Variants in KCNJ3 observed in about 807,000 individuals in gnomAD.
The protein encoded by KCNJ3 is potassium inwardly rectifying channel subfamily J member 3, also known as G protein-activated inward rectifier potassium channel 1.
In KCNJ3, 4 loss-of-function variants were observed where a neutral mutation model predicts 39.2. The observed-to-expected ratio is 0.10, with a 90% CI of 0.05 to 0.23. The LOEUF is 0.23. KCNJ3 is among the 10% of genes least tolerant of loss of function. KCNJ3 has a pLI of 1.00. For synonymous variants in KCNJ3, 230 were observed against 237.4 expected (o/e 0.97, Z 0.29); for missense variants, 276 against 634.9 (o/e 0.43, Z 6.08).
chr2:154,700,627 G>A (rs943395482), intron 1 of KCNJ3, among the ~76,000 whole-genome samples: 18 of 152,196 alleles, frequency 1.2e-4, no homozygotes, highest in African/African-American at 4.3e-4. Flanking sequence ...CAATATTTGA[G>A]ATTTTGCCTT....
chr2:154,828,714 A>G (rs1687311435), intron 2 of KCNJ3, among the ~76,000 whole-genome samples: 1 of 152,118 alleles, frequency 6.6e-6, no homozygotes, highest in African/African-American at 2.4e-5. Flanking sequence ...CAGGGGTGAT[A>G]AATCTCTTTT....
chr2:154,812,141 T>C (rs1212130657), intron 2 of KCNJ3, among the ~76,000 whole-genome samples: 2 of 152,166 alleles, frequency 1.3e-5, no homozygotes, highest in Non-Finnish European at 2.9e-5. Context: ...TTGGGTGACA[T>C]TTATGTATTC....
intron 2 of KCNJ3, among the ~76,000 whole-genome samples, chr2:154,752,685 A>G (rs371616639): frequency 1.3e-5 from 2 of 152,018 alleles, no homozygotes; most frequent in Admixed American, 6.6e-5. Flanking sequence ...GTAAGATTCT[A>G]TGTGAGTGTT....
chr2:154,736,604 G>A (rs13036173), intron 2 of KCNJ3, among the ~76,000 whole-genome samples: 2 of 152,028 alleles, frequency 1.3e-5, no homozygotes, highest in Non-Finnish European at 2.9e-5. Context: ...AACAGAACTC[G>A]TAAAGAGCAA....
In KCNJ3 at chr2:154,858,115, T is replaced by G. The variant is rs1225310230; in HGVS notation, c.*2802T>G. On this transcript the variant is annotated 3_prime_UTR_variant, in exon 3 of 3. Coordinates refer to ENST00000295101, the MANE Select transcript of KCNJ3 (RefSeq NM_002239.4). Reference sequence around the variant, plus strand: ...TTTTTTTATCTTTTCCACACATGCGTGGGAAAGGTATGATTTCTGCATGTA... The same window carrying G: ...TTTTTTTATCTTTTCCACACATGCGGGGGAAAGGTATGATTTCTGCATGTA... The G allele has an allele frequency of 6.6e-6, 1 of 151,972 alleles. No individual in the cohort carries two copies. The highest frequency in any genetic ancestry group is 1.9e-4 in the East Asian group (1 of 5,180). The allele number at this position is 151,972 out of a possible 1,614,324, so 9.4% of individuals were successfully genotyped here. A position where few individuals can be genotyped will look rare whatever the true frequency, so the allele number is the denominator to read the frequency against.
chr2:154,757,639 T>C (rs1032578308), intron 2 of KCNJ3, among the ~76,000 whole-genome samples: 4 of 152,230 alleles, frequency 2.6e-5, no homozygotes, highest in Non-Finnish European at 5.9e-5. Context: ...CTTAAACTGT[T>C]CAGGCTGCTA....
At chr2:154,768,544 A>G (rs1352342907) in intron 2 of KCNJ3, among the ~76,000 whole-genome samples, 4 of 152,184 alleles carry the variant, frequency 2.6e-5, no homozygotes, top group East Asian at 1.9e-4. Flanking sequence ...CCATTGGTCT[A>G]TATCTCTGTT....
chr2:154,705,926 G>T (rs1453620675), intron 1 of KCNJ3, among the ~76,000 whole-genome samples: 1 of 152,030 alleles, frequency 6.6e-6, no homozygotes, highest in East Asian at 1.9e-4. Context: ...GAAAGTAGAA[G>T]TTGTATGGAA....
At chr2:154,838,619 A>AT (rs1379922780) in intron 2 of KCNJ3, among the ~76,000 whole-genome samples, 1 of 152,176 alleles carries the variant, frequency 6.6e-6, no homozygotes, top group Non-Finnish European at 1.5e-5. Context: ...TTAGAACTAG[A>AT]TTTTGAAGGA....
chr2:154,785,223 A>G (rs534922249), intron 2 of KCNJ3, among the ~76,000 whole-genome samples: 4 of 152,356 alleles, frequency 2.6e-5, no homozygotes, highest in Middle Eastern at 3.4e-3. Flanking sequence ...TGTAGTAACG[A>G]AATTCCACAG....
rs1401941580 is a variant in KCNJ3, at chr2:154,699,567, C to T, written c.702+90C>T. 2.0e-5 allele frequency: 29 copies of T among 1,475,758 alleles called. No individual in the cohort carries two copies. The Admixed American group carries it at 2.8e-4, about 14-fold the overall frequency. The allele number at this position is 1,475,758 out of a possible 1,614,324, so 91.4% of individuals were successfully genotyped here. ...TCTGAGAACCAGCCCGGGCCCCCTC[C>T]CCTGGTTCTACCTATAGCCACAGGT... On this transcript the variant is annotated intron_variant, in intron 1 of 2. Coordinates refer to ENST00000295101, the MANE Select transcript of KCNJ3 (RefSeq NM_002239.4). The surrounding 1 kb of genome is among the most constrained non-coding windows in gnomAD (Gnocchi z 6.4).
Position 154,817,809 on chromosome 2 carries a change from AT to A in KCNJ3, c.920-36914del, listed in dbSNP as rs771594782. Reference sequence around the variant, plus strand: ...CCCCTTTAATTCATGCCATTCTCGTATTTTAACCTTTGTTTTACTGTCCATT... The same window carrying A: ...CCCCTTTAATTCATGCCATTCTCGTATTTAACCTTTGTTTTACTGTCCATT... On this transcript the variant is annotated intron_variant, in intron 2 of 2. Transcript: ENST00000295101. Among the ~76,000 whole-genome samples the A allele has an allele frequency of 3.5e-3, 529 of 152,208 alleles. 2 individuals are homozygous for A. Among genetic ancestry groups the A allele is most frequent in the Middle Eastern group, 6.8e-3 (2 of 294 alleles).
chr2:154,843,645 C>CT (rs934609112), intron 2 of KCNJ3, among the ~76,000 whole-genome samples: 6 of 151,972 alleles, frequency 3.9e-5, no homozygotes, highest in South Asian at 2.1e-4. Context: ...TCTTTTTACT[C>CT]TTTTTTCTCT....
At chr2:154,791,205 C>T (rs1686623087) in intron 2 of KCNJ3, among the ~76,000 whole-genome samples, 1 of 151,932 alleles carries the variant, frequency 6.6e-6, no homozygotes, top group Admixed American at 6.6e-5. Context: ...AATACATCAC[C>T]TAAGAATTGC....
chr2:154,781,293 A>T (rs527860649), intron 2 of KCNJ3, among the ~76,000 whole-genome samples: 1 of 152,344 alleles, frequency 6.6e-6, no homozygotes, highest in East Asian at 1.9e-4. Context: ...AGTTTGTGGT[A>T]ATTTGTTATA....
chr2:154,798,433 C>A (rs895305448), intron 2 of KCNJ3, among the ~76,000 whole-genome samples: 4 of 152,062 alleles, frequency 2.6e-5, no homozygotes, highest in Non-Finnish European at 5.9e-5. Flanking sequence ...ATTCTAAAGT[C>A]TATCTGGAAG....
intron 2 of KCNJ3, among the ~76,000 whole-genome samples, chr2:154,813,034 G>A (rs1687028386): frequency 6.6e-6 from 1 of 152,118 alleles, no homozygotes; most frequent in Admixed American, 6.5e-5. Flanking sequence ...TTTTTCAAAT[G>A]CAGAAACTGA....
rs879211839 is a variant in KCNJ3 at position 154,855,567 on chromosome 2, T to C, written c.*254T>C. The C allele has an allele frequency of 9.4e-6, 3 of 318,316 alleles. No individual in the cohort carries two copies. The highest frequency in any genetic ancestry group is 1.7e-4 in the South Asian group (2 of 11,464). The allele number at this position is 318,316 out of a possible 1,614,324, so 19.7% of individuals were successfully genotyped here. A position where few individuals can be genotyped will look rare whatever the true frequency, so the allele number is the denominator to read the frequency against. Reference sequence around the variant, plus strand: ...TGCAATAATGTGCAAATTTTGCATTTAGTTTTATGGCATGATTTATATATG... The same window carrying C: ...TGCAATAATGTGCAAATTTTGCATTCAGTTTTATGGCATGATTTATATATG... On this transcript the variant is annotated 3_prime_UTR_variant, in exon 3 of 3. Transcript: ENST00000295101.
chr2:154,737,068 A>T (rs1272215612), intron 2 of KCNJ3, among the ~76,000 whole-genome samples: 1 of 152,196 alleles, frequency 6.6e-6, no homozygotes, highest in Non-Finnish European at 1.5e-5. Flanking sequence ...GGGACTGATC[A>T]GCTCATGTCC....
Sources: gnomAD v4.1 joint callset for allele counts (sites outside exome capture counted in the v4.1 genomes callset) on GRCh38, gnomAD v4.1.1 for gene constraint, Gnocchi (gnomAD v3.1) non-coding constraint, MANE v1.5 for transcripts, NCBI Gene and HGNC (gene_info 2026-07-23, HGNC 2026-07-21) for gene names.